Variants in ANKRD31 observed in about 807,000 individuals in gnomAD.
ANKRD31 encodes the protein ankyrin repeat domain 31.
A neutral mutation model predicts 186.0 loss-of-function variants in ANKRD31; 147 were observed. The observed-to-expected ratio is 0.79, with a 90% confidence interval of 0.69 to 0.91. The LOEUF is 0.91. Ranked by LOEUF, ANKRD31 falls within the 40% of genes least tolerant of loss-of-function variation. The pLI is 0.00. For synonymous variants in ANKRD31, 673 were observed against 736.4 expected (o/e 0.91, Z 1.39); for missense variants, 1,986 against 2,148.8 (o/e 0.92, Z 1.50).
chr5:75,174,351 T>C (rs1753597727), intron 10 of ANKRD31, among the ~76,000 whole-genome samples: 1 of 152,054 alleles, frequency 6.6e-6, no homozygotes, highest in African/African-American at 2.4e-5. Context: ...CCAAAAGCAA[T>C]GGCAACAAAA....
intron 23 of ANKRD31, among the ~76,000 whole-genome samples, chr5:75,088,492 C>G (rs964054591): frequency 6.6e-6 from 1 of 152,192 alleles, no homozygotes; most frequent in African/African-American, 2.4e-5. Context: ...CATCCTGCAA[C>G]TGTATCACAG....
intron 25 of ANKRD31, among the ~76,000 whole-genome samples, chr5:75,070,912 G>A (rs1201682502): frequency 6.6e-6 from 1 of 152,204 alleles, no homozygotes; most frequent in Non-Finnish European, 1.5e-5. Context: ...GGGCAACATA[G>A]TGAGATCTTG....
intron 17 of ANKRD31, among the ~76,000 whole-genome samples, chr5:75,131,161 C>T (rs1387466538): frequency 6.6e-6 from 1 of 152,160 alleles, no homozygotes; most frequent in East Asian, 1.9e-4. Context: ...GTGCCTCTCC[C>T]TCCACACCTC....
chr5:75,162,786 A>G (rs1272310568), intron 11 of ANKRD31, among the ~76,000 whole-genome samples: 4 of 152,174 alleles, frequency 2.6e-5, no homozygotes, highest in African/African-American at 9.7e-5. Context: ...CTACTTAGAT[A>G]CCACAGCCCA....
In ANKRD31 at chr5:75,104,228, C is replaced by A; in HGVS notation, c.5331G>T (p.Gln1777His). ...PGNNILEFKTQETTHKASILL... is the reference protein window; with the variant it reads ...PGNNILEFKTHETTHKASILL... ...TTTTAGAGAAAAAAATATAGAATAC[C>A]TGTGTTTTGAATTCCAGAATGTTAT... The change falls in exon 22 of 26, where the codon CAG (glutamine) becomes CAT (histidine). Residue 1777 changes from glutamine to histidine, a missense_variant and splice_region_variant. Coordinates refer to ENST00000506364, the MANE Select transcript of ANKRD31 (RefSeq NM_001372053.1). 6.7e-7 allele frequency: 1 copy of A among 1,489,118 alleles called. No homozygotes were observed. The highest frequency in any genetic ancestry group is 1.4e-5 in the African/African-American group (1 of 70,942). The allele number at this position is 1,489,118 out of a possible 1,614,324, so 92.2% of individuals were successfully genotyped here. A position where few individuals can be genotyped will look rare whatever the true frequency, so the allele number is the denominator to read the frequency against.
chr5:75,140,223 A>AAAAG (rs1482802716), intron 15 of ANKRD31, among the ~76,000 whole-genome samples: 2 of 126,734 alleles, frequency 1.6e-5, no homozygotes, highest in Admixed American at 1.6e-4. Flanking sequence ...AAAAGAAAAG[A>AAAAG]AAAGAAAGAA....
intron 2 of ANKRD31, among the ~76,000 whole-genome samples, chr5:75,228,572 A>G (rs564583378): frequency 1.3e-5 from 2 of 152,284 alleles, no homozygotes; most frequent in Non-Finnish European, 2.9e-5. Flanking sequence ...ATATGATACC[A>G]ATTATGAAAA....
intron 10 of ANKRD31, among the ~76,000 whole-genome samples, chr5:75,176,818 C>T (rs1402295679): frequency 1.3e-5 from 2 of 152,210 alleles, no homozygotes; most frequent in Non-Finnish European, 1.5e-5. Flanking sequence ...CTCTAAAAAT[C>T]AGAGTGCCTC....
chr5:75,141,726 C>G (rs921012478), intron 15 of ANKRD31, among the ~76,000 whole-genome samples: 2 of 151,804 alleles, frequency 1.3e-5, no homozygotes, highest in South Asian at 4.2e-4. Flanking sequence ...TCATGTGAGC[C>G]TGGGAGGTCA....
rs1755194151 is a variant in ANKRD31, at chr5:75,192,687, T to C, written c.1388A>G (p.Glu463Gly). ...FKNGKQIRKN[E>G]QFSGKKEKMK... is the part of the protein sequence containing the mutation. ...ATCACCTTTTTTTCCTGAAAATTGTTCATTTTTCCTGATCTGTTTTCCATT... is the reference window on the plus strand; with the variant it reads ...ATCACCTTTTTTTCCTGAAAATTGTCCATTTTTCCTGATCTGTTTTCCATT... The change falls in exon 9 of 26, where the codon GAA becomes GGA. Residue 463 changes from glutamate to glycine, a missense_variant. Transcript: ENST00000506364. 5 of 1,531,828 alleles carry C rather than the reference T, an allele frequency of 3.3e-6. No homozygotes were observed. Among genetic ancestry groups the C allele is most frequent in the Middle Eastern group, 1.7e-4 (1 of 5,966 alleles). 94.9% of individuals were successfully genotyped at this position (1,531,828 alleles called of 1,614,324 possible).
At chr5:75,103,186 C>T (rs1027619168) in intron 22 of ANKRD31, among the ~76,000 whole-genome samples, 1 of 152,096 alleles carries the variant, frequency 6.6e-6, no homozygotes, top group Non-Finnish European at 1.5e-5. Context: ...AATCATTTCC[C>T]CATTGCTTGT....
At chr5:75,181,112 C>G (rs983975131) in intron 10 of ANKRD31, among the ~76,000 whole-genome samples, 56 of 151,878 alleles carry the variant, frequency 3.7e-4, no homozygotes, top group African/African-American at 5.6e-4. Context: ...GACATTTATG[C>G]AGCCAAAAAA....
intron 10 of ANKRD31, among the ~76,000 whole-genome samples, chr5:75,170,065 A>G (rs546958762): frequency 3.2e-4 from 48 of 152,170 alleles, no homozygotes; most frequent in Non-Finnish European, 6.3e-4. Context: ...TGGTAAATAT[A>G]TAGTTAACAA....
At chr5:75,189,538 G>A (rs1754965309) in intron 9 of ANKRD31, among the ~76,000 whole-genome samples, 1 of 152,156 alleles carries the variant, frequency 6.6e-6, no homozygotes, top group Non-Finnish European at 1.5e-5. Flanking sequence ...AAACCCAACT[G>A]CTGAACTTTG....
intron 22 of ANKRD31, among the ~76,000 whole-genome samples, chr5:75,097,744 C>T (rs979179186): frequency 4.5e-4 from 68 of 152,268 alleles, no homozygotes; most frequent in African/African-American, 1.5e-3. Flanking sequence ...TGCCTATGTC[C>T]TGAATGGTAT....
chr5:75,156,642 C>T (rs1752198836), intron 11 of ANKRD31, among the ~76,000 whole-genome samples: 1 of 152,098 alleles, frequency 6.6e-6, no homozygotes, highest in Non-Finnish European at 1.5e-5. Context: ...CCTTAAATAC[C>T]ATCACAAGCA....
intron 10 of ANKRD31, among the ~76,000 whole-genome samples, chr5:75,177,531 T>C (rs1177197787): frequency 6.6e-6 from 1 of 151,952 alleles, no homozygotes; most frequent in Non-Finnish European, 1.5e-5. Context: ...TAACAGTGGA[T>C]CTCTTGGCAG....
chr5:75,115,570 C>A (rs1748162152), intron 19 of ANKRD31, among the ~76,000 whole-genome samples: 1 of 151,116 alleles, frequency 6.6e-6, no homozygotes, highest in African/African-American at 2.4e-5. Context: ...AAGAAAAAAA[C>A]AAACAACCCC....
intron 25 of ANKRD31, among the ~76,000 whole-genome samples, chr5:75,073,298 TAAA>T (rs58075823): frequency 7.1e-6 from 1 of 140,714 alleles, no homozygotes; most frequent in African/African-American, 2.6e-5. Flanking sequence ...CTCCATCTCT[TAAA>T]AAAAAAAAAA....
Sources: allele counts gnomAD v4.1 joint callset (sites outside exome capture counted in the v4.1 genomes callset), GRCh38; gene constraint gnomAD v4.1.1; transcripts MANE v1.5; gene names NCBI Gene and HGNC (gene_info 2026-07-23, HGNC 2026-07-21).